HSD17B4: variants seen among roughly 807,000 people sequenced by gnomAD.
HSD17B4 encodes the protein peroxisomal multifunctional enzyme type 2.
A neutral mutation model predicts 101.0 loss-of-function variants in HSD17B4; 70 were observed. That is an observed-to-expected ratio of 0.69 (90% CI 0.57 to 0.85). The LOEUF is 0.85. Among genes scored for constraint, HSD17B4 ranks in the 40% least tolerant of loss-of-function variants. The pLI, the probability that HSD17B4 is intolerant of heterozygous loss-of-function variation, is 0.00. For missense variants in HSD17B4, 984 were observed against 892.4 expected, an observed-to-expected ratio of 1.10 and a Z score of -1.31; for synonymous variants, 347 against 297.1, an observed-to-expected ratio of 1.17 and a Z score of -1.73.
chr5:119,513,722 G>A (rs552203307), intron 16 of HSD17B4, among the ~76,000 whole-genome samples: 1 of 152,204 alleles, frequency 6.6e-6, no homozygotes, highest in African/African-American at 2.4e-5. Flanking sequence ...CATTCTCTAA[G>A]CACTTATCAC....
chr5:119,525,415 C>G (rs182457128), intron 18 of HSD17B4, 130 bp downstream of exon 18: 10 of 697,516 alleles, frequency 1.4e-5, no homozygotes, highest in Non-Finnish European at 2.6e-5. Context: ...TTATTTATTA[C>G]ATTTATGCAA....
chr5:119,514,094 C>A (rs967754413), intron 16 of HSD17B4, among the ~76,000 whole-genome samples: 1 of 152,076 alleles, frequency 6.6e-6, no homozygotes, highest in Non-Finnish European at 1.5e-5. Flanking sequence ...ATAAAACCTG[C>A]AAAATACACT....
rs1190005522 is a variant in HSD17B4, at chr5:119,509,218, G to A, written c.1411G>A (p.Gly471Arg). The A allele has an allele frequency of 1.2e-6, 2 of 1,607,098 alleles. No homozygotes were observed. The highest frequency in any genetic ancestry group is 2.2e-5 in the East Asian group (1 of 44,850). Residue 471 changes from glycine to arginine, a missense_variant, in exon 16 of 24, where the codon GGA becomes AGA. Physicochemically the swap from Gly to Arg is moderately radical, Grantham distance 125. Coordinates refer to ENST00000510025, the MANE Select transcript of HSD17B4 (RefSeq NM_000414.4). ...TCTTGTTGGCTCTGGAGGCTTTGGT[G>A]GAAAACGGACATCAGACAAAGTCAA... ...LFLVGSGGFGGKRTSDKVKVA... is the reference protein window; with the variant it reads ...LFLVGSGGFGRKRTSDKVKVA...
At position 119,516,678 on chromosome 5, in the gene HSD17B4, A is replaced by G. The variant is rs555421273; in HGVS notation, c.1503+1632A>G. On this transcript the variant is annotated intron_variant, in intron 17 of 23. Coordinates refer to ENST00000510025, the MANE Select transcript of HSD17B4 (RefSeq NM_000414.4). ...ACATTTTGCATAAAACTTTGCATAA[A>G]TTTCAGGGAATTTGTGGGACATTTG... Among the ~76,000 whole-genome samples, 13 of 152,354 alleles carry G rather than the reference A, an allele frequency of 8.5e-5. No homozygotes were observed. In the South Asian group the frequency reaches 2.5e-3, roughly 29 times the overall value.
intron 17 of HSD17B4, among the ~76,000 whole-genome samples, chr5:119,517,430 G>A (rs1752725980): frequency 6.6e-6 from 1 of 152,198 alleles, no homozygotes; most frequent in African/African-American, 2.4e-5. Context: ...TCCCTGAGGA[G>A]TGCCACCCCC....
intron 11 of HSD17B4, among the ~76,000 whole-genome samples, chr5:119,495,049 T>TC (rs397964531): frequency 1.3e-5 from 2 of 151,802 alleles, no homozygotes; most frequent in African/African-American, 4.8e-5. Flanking sequence ...GTTTTTTTTT[T>TC]CTCCTTAATG....
chr5:119,510,284 C>T (rs867490309), intron 16 of HSD17B4, among the ~76,000 whole-genome samples: 1 of 152,180 alleles, frequency 6.6e-6, no homozygotes, highest in African/African-American at 2.4e-5. Context: ...AAATTGAACA[C>T]AAGTGATCCT....
intron 2 of HSD17B4, among the ~76,000 whole-genome samples, chr5:119,463,436 A>G (rs898786014): frequency 4.0e-5 from 6 of 149,454 alleles, no homozygotes; most frequent in African/African-American, 1.2e-4. Context: ...CCTCCATACT[A>G]TTTTCCATAA....
intron 22 of HSD17B4, among the ~76,000 whole-genome samples, chr5:119,535,131 A>G (rs1754426921): frequency 6.6e-6 from 1 of 152,018 alleles, no homozygotes; most frequent in Non-Finnish European, 1.5e-5. Context: ...TTTAAGAGTA[A>G]CTTGCAGACA....
At chr5:119,507,697 T>A (rs1009015389) in intron 15 of HSD17B4, among the ~76,000 whole-genome samples, 7 of 150,884 alleles carry the variant, frequency 4.6e-5, no homozygotes, top group Admixed American at 4.6e-4. Flanking sequence ...GGCAGGAGAA[T>A]GGCGTGAACC....
intron 16 of HSD17B4, among the ~76,000 whole-genome samples, chr5:119,514,421 A>G (rs908918913): frequency 3.3e-5 from 5 of 152,142 alleles, no homozygotes; most frequent in Non-Finnish European, 7.4e-5. Context: ...TGAATTTTTT[A>G]TGTTTACTTT....
At chr5:119,494,198 A>C (rs986272677) in intron 11 of HSD17B4, among the ~76,000 whole-genome samples, 17 of 152,132 alleles carry the variant, frequency 1.1e-4, no homozygotes, top group African/African-American at 4.1e-4. Flanking sequence ...TGGATGGCAT[A>C]AGATGTTTAC....
At chr5:119,495,269 C>G (rs1750526802) in intron 11 of HSD17B4, among the ~76,000 whole-genome samples, 1 of 152,044 alleles carries the variant, frequency 6.6e-6, no homozygotes. Flanking sequence ...ATATTTATCT[C>G]AAAAAGTATT....
At chr5:119,463,926 C>T (rs1166463663) in intron 2 of HSD17B4, among the ~76,000 whole-genome samples, 1 of 152,034 alleles carries the variant, frequency 6.6e-6, no homozygotes, top group Admixed American at 6.5e-5. Context: ...CTGCCTTGGC[C>T]TCCCAAAGTG....
At chr5:119,496,207 TG>T (rs2126768686) in intron 11 of HSD17B4, among the ~76,000 whole-genome samples, 1 of 152,266 alleles carries the variant, frequency 6.6e-6, no homozygotes, top group Admixed American at 6.5e-5. Context: ...TCAGACAAAT[TG>T]CATGTCTATA....
intron 20 of HSD17B4, among the ~76,000 whole-genome samples, chr5:119,529,483 C>T (rs1450411801): frequency 6.6e-6 from 1 of 152,116 alleles, no homozygotes; most frequent in Non-Finnish European, 1.5e-5. Flanking sequence ...TGTGCTATGC[C>T]TTTTACTATT....
At chr5:119,501,276 T>C (rs1641946178) in intron 13 of HSD17B4, among the ~76,000 whole-genome samples, 1 of 152,058 alleles carries the variant, frequency 6.6e-6, no homozygotes, top group African/African-American at 2.4e-5. Flanking sequence ...CTGACCTTCA[T>C]TTGTCTTCTC....
At chr5:119,533,290 T>C (rs76423726) in intron 22 of HSD17B4, among the ~76,000 whole-genome samples, 8 of 1,104 alleles carry the variant, frequency 7.2e-3, no homozygotes, top group Non-Finnish European at 3.0e-3. Flanking sequence ...ACAGGATGCC[T>C]TTTTTTTTTT....
chr5:119,456,007 CACTT>C (rs1450015586), intron 1 of HSD17B4, among the ~76,000 whole-genome samples: 3 of 152,172 alleles, frequency 2.0e-5, no homozygotes, highest in African/African-American at 4.8e-5. Flanking sequence ...GTCTCTGTCT[CACTT>C]ACACCTTCTA....
Sources: gnomAD v4.1 joint callset for allele counts (sites outside exome capture counted in the v4.1 genomes callset) on GRCh38, gnomAD v4.1.1 for gene constraint, MANE v1.5 for transcripts, NCBI Gene and HGNC (gene_info 2026-07-23, HGNC 2026-07-21) for gene names.